POLA1: variants seen among roughly 807,000 people sequenced by gnomAD.
POLA1 encodes DNA polymerase alpha 1, catalytic subunit.
A neutral mutation model predicts 124.0 loss-of-function variants in POLA1; 15 were observed. That is an observed-to-expected ratio of 0.12 (90% CI 0.08 to 0.19). The LOEUF is 0.19. POLA1 is among the 10% of genes least tolerant of loss of function. POLA1 has a pLI of 1.00. For synonymous variants in POLA1, 408 were observed against 389.4 expected, an observed-to-expected ratio of 1.05 and a Z score of -0.56; for missense variants, 886 against 1,103.4, an observed-to-expected ratio of 0.80 and a Z score of 2.79.
chrX:24,788,323 T>G, intron 26 of POLA1: 1 of 1,016,072 alleles, frequency 9.8e-7, no homozygotes, highest in South Asian at 2.4e-5. Context: ...GATGCCCACT[T>G]TTACTACTTC....
intron 35 of POLA1, among the ~76,000 whole-genome samples, chrX:24,907,686 A>G (rs1056248252): frequency 8.9e-6 from 1 of 112,084 alleles, no homozygotes; most frequent in African/African-American, 3.2e-5. Context: ...GAGTAGGATA[A>G]TTCATTGCCA....
intron 21 of POLA1, among the ~76,000 whole-genome samples, chrX:24,741,730 C>T: frequency 9.0e-6 from 1 of 111,274 alleles, no homozygotes; most frequent in Non-Finnish European, 1.9e-5. Context: ...ATCTCTCTAA[C>T]ATCTGGATGT....
chrX:24,695,014 T>C (rs767285874), intron 1 of POLA1, among the ~76,000 whole-genome samples: 1 of 112,219 alleles, frequency 8.9e-6, no homozygotes, highest in African/African-American at 3.2e-5. Context: ...CTATCAGTGA[T>C]TTGCCACTAA....
In POLA1 at chrX:24,704,596, G is replaced by A. The variant is rs773114800; in HGVS notation, c.346+127G>A. ...CCTAACTACCATTGTTTTTAGATAC[G>A]GAATATGTTCTAAGATGAAGAGAAG... On this transcript the variant is annotated intron_variant, in intron 4 of 36. Transcript: ENST00000379068. The A allele has an allele frequency of 1.1e-5, 5 of 475,778 alleles. No individual in the cohort carries two copies. In the South Asian group the frequency reaches 1.5e-4, roughly 14 times the overall value. 39.2% of individuals were successfully genotyped at this position (475,778 alleles called of 1,213,427 possible). A position where few individuals can be genotyped will look rare whatever the true frequency, so the allele number is the denominator to read the frequency against.
At chrX:24,852,148 G>T (rs1189208176) in intron 34 of POLA1, among the ~76,000 whole-genome samples, 1 of 111,857 alleles carries the variant, frequency 8.9e-6, no homozygotes, top group East Asian at 2.8e-4. Context: ...CTGTTTAGGA[G>T]TGGGTTAATT....
intron 26 of POLA1, among the ~76,000 whole-genome samples, chrX:24,774,121 A>G (rs1474946614): frequency 9.0e-6 from 1 of 111,582 alleles, no homozygotes; most frequent in African/African-American, 3.3e-5. Context: ...TTTGAGTGGC[A>G]TATGTAGGAT....
At chrX:24,879,453 GA>G (rs1460895773) in intron 34 of POLA1, among the ~76,000 whole-genome samples, 1 of 112,185 alleles carries the variant, frequency 8.9e-6, no homozygotes, top group Non-Finnish European at 1.9e-5. Context: ...ATGGAATGTG[GA>G]AAGGAAAATG....
intron 26 of POLA1, among the ~76,000 whole-genome samples, chrX:24,768,427 G>A (rs1932960481): frequency 8.9e-6 from 1 of 111,812 alleles, no homozygotes; most frequent in Non-Finnish European, 1.9e-5. Context: ...GCTCAAACTT[G>A]GCATGGTTCT....
intron 26 of POLA1, among the ~76,000 whole-genome samples, chrX:24,792,913 G>A (rs1421400085): frequency 1.8e-5 from 2 of 111,468 alleles, no homozygotes; most frequent in Non-Finnish European, 3.8e-5. Context: ...TCAACTTTGA[G>A]CGTTATTAAT....
At chrX:24,932,211 C>G (rs1017690539) in intron 36 of POLA1, among the ~76,000 whole-genome samples, 8 of 112,734 alleles carry the variant, frequency 7.1e-5, no homozygotes, top group African/African-American at 2.6e-4. Flanking sequence ...CCCATTATTT[C>G]TTTCTAAATC....
At chrX:24,901,127 G>C (rs1215149197) in intron 35 of POLA1, among the ~76,000 whole-genome samples, 2 of 111,886 alleles carry the variant, frequency 1.8e-5, no homozygotes, top group Non-Finnish European at 3.8e-5. Flanking sequence ...TGGGGAGACA[G>C]ATAATAAACA....
At chrX:24,881,033 C>G (rs967620228) in intron 34 of POLA1, among the ~76,000 whole-genome samples, 15 of 111,719 alleles carry the variant, frequency 1.3e-4, no homozygotes, top group African/African-American at 4.6e-4. Context: ...TCCGTGAATC[C>G]GGAAATAAAG....
At chrX:24,809,877 C>G (rs766229377) in intron 26 of POLA1, 21 bp from the exon 27 acceptor site, 4 of 1,001,031 alleles carry the variant, frequency 4.0e-6, no homozygotes, top group African/African-American at 1.9e-5. Context: ...ACTTATTAAT[C>G]TTGACTTTTG....
chrX:24,819,076 CTT>C (rs1293139981), intron 30 of POLA1, among the ~76,000 whole-genome samples: 2 of 112,004 alleles, frequency 1.8e-5, no homozygotes, highest in Non-Finnish European at 3.8e-5. Flanking sequence ...TTCCTGTTCT[CTT>C]ATATTAAAAT....
At chrX:24,864,726 G>GTTT (rs758602081) in intron 34 of POLA1, among the ~76,000 whole-genome samples, 1 of 98,240 alleles carries the variant, frequency 1.0e-5, no homozygotes. Flanking sequence ...GCTATGGAAT[G>GTTT]TTTTTTTTTT....
chrX:24,944,200 A>G (rs929699278), intron 36 of POLA1, among the ~76,000 whole-genome samples: 5 of 112,013 alleles, frequency 4.5e-5, no homozygotes, highest in Non-Finnish European at 7.5e-5. Flanking sequence ...TTTCATGGGT[A>G]TATAGTGGCT....
At chrX:24,731,657 A>T (rs924616972) in intron 15 of POLA1, among the ~76,000 whole-genome samples, 2 of 110,751 alleles carry the variant, frequency 1.8e-5, no homozygotes, top group Admixed American at 9.6e-5. Flanking sequence ...TAGTAGGGAG[A>T]TGCTGGGGAT....
chrX:24,966,561 G>A (rs1035875366), intron 36 of POLA1, among the ~76,000 whole-genome samples: 3 of 112,351 alleles, frequency 2.7e-5, no homozygotes, highest in African/African-American at 9.7e-5. Flanking sequence ...GACAAAATAT[G>A]TTTTAAAAGG....
chrX:24,799,235 T>G lies in POLA1; in HGVS notation c.2965-10663T>G, dbSNP rs113274630. ...GGAGCTTTCTAGAGATCAGAATGCTTCTGTCAAAATGGTGACAGCACCACC... is the reference window on the plus strand; with the variant it reads ...GGAGCTTTCTAGAGATCAGAATGCTGCTGTCAAAATGGTGACAGCACCACC... On this transcript the variant is annotated intron_variant, in intron 26 of 36. Coordinates refer to ENST00000379068, the MANE Select transcript of POLA1 (RefSeq NM_001330360.2). 2.7e-3 allele frequency among the ~76,000 whole-genome samples: 300 copies of G among 112,063 alleles called. 1 individual carries two copies. Among genetic ancestry groups the G allele is most frequent in the Non-Finnish European group, 4.3e-3 (229 of 53,171 alleles).
Sources: gnomAD v4.1 joint callset for allele counts (sites outside exome capture counted in the v4.1 genomes callset) on GRCh38, gnomAD v4.1.1 for gene constraint, MANE v1.5 for transcripts, NCBI Gene and HGNC (gene_info 2026-07-23, HGNC 2026-07-21) for gene names.